The following TADA2A variants were observed in gnomAD, a reference collection of about 807,000 sequenced individuals.
TADA2A encodes transcriptional adapter 2-alpha.
Under a neutral mutation model 67.4 loss-of-function variants are expected in TADA2A, and 38 were observed. The observed-to-expected ratio is 0.56, with a 90% CI of 0.44 to 0.74. The LOEUF is 0.74. Among genes scored for constraint, TADA2A ranks in the 30% least tolerant of loss-of-function variants. TADA2A has a pLI of 0.00. For synonymous variants in TADA2A, 192 were observed against 181.6 expected (o/e 1.06, Z -0.46); for missense variants, 454 against 547.0 (o/e 0.83, Z 1.70).
rs146654241 is a variant in TADA2A at position 37,467,684 on chromosome 17, A to G, written c.895+159A>G. ...GTAAAGTTTTGGCTATTTAATCCCT[A>G]TAAATACCTTTGTATAGATTATCTT... On this transcript the variant is annotated intron_variant, in intron 12 of 15. Transcript: ENST00000615182. 1.5e-3 allele frequency among the ~76,000 whole-genome samples: 230 copies of G among 152,304 alleles called. 1 individual carries two copies. Among genetic ancestry groups the G allele is most frequent in the Middle Eastern group, 3.4e-3 (1 of 294 alleles).
intron 4 of TADA2A, among the ~76,000 whole-genome samples, chr17:37,427,926 G>A (rs957618295): frequency 1.3e-5 from 2 of 151,866 alleles, no homozygotes; most frequent in African/African-American, 4.8e-5. Context: ...AGGTTGCAGT[G>A]AGCCAAGATC....
chr17:37,442,940 A>T (rs1320161434), intron 7 of TADA2A, among the ~76,000 whole-genome samples: 1 of 152,164 alleles, frequency 6.6e-6, no homozygotes, highest in Non-Finnish European at 1.5e-5. Flanking sequence ...AGAATGGAGG[A>T]TCGCTTGAGT....
intron 4 of TADA2A, among the ~76,000 whole-genome samples, chr17:37,431,579 T>C (rs1027023929): frequency 4.7e-5 from 2 of 42,660 alleles, no homozygotes; most frequent in African/African-American, 2.3e-4. Flanking sequence ...TTATCTTTTC[T>C]TTTTTTTTTT....
chr17:37,445,322 G>C (rs1380916979), intron 8 of TADA2A, among the ~76,000 whole-genome samples: 1 of 152,212 alleles, frequency 6.6e-6, no homozygotes, highest in Non-Finnish European at 1.5e-5. Context: ...CTGGAGTGCA[G>C]TGGCGCGATC....
intron 12 of TADA2A, among the ~76,000 whole-genome samples, chr17:37,468,062 G>C (rs1568183213): frequency 6.6e-6 from 1 of 151,358 alleles, no homozygotes; most frequent in Non-Finnish European, 1.5e-5. Context: ...AGCCTGGGTG[G>C]CAGAGGGAGA....
intron 8 of TADA2A, among the ~76,000 whole-genome samples, chr17:37,457,139 C>G (rs377511711): frequency 1.5e-3 from 224 of 148,484 alleles, no homozygotes; most frequent in African/African-American, 5.3e-3. Flanking sequence ...TTGACATTGT[C>G]TGTTACTCCT....
intron 8 of TADA2A, among the ~76,000 whole-genome samples, chr17:37,451,811 C>T (rs531709560): frequency 6.6e-6 from 1 of 151,864 alleles, no homozygotes; most frequent in South Asian, 2.1e-4. Context: ...CGGTGAAACC[C>T]CGTCTCTACT....
chr17:37,461,852 TG>T, intron 9 of TADA2A: 1 of 450,812 alleles, frequency 2.2e-6, no homozygotes, highest in South Asian at 3.4e-5. Flanking sequence ...CAAATAGTCA[TG>T]GAGAGTCTAC....
In TADA2A at chr17:37,440,443, A is replaced by T. The variant is rs1377693047; in HGVS notation, c.285-62A>T. ...ACTTAAAATATGAAAAGAGCAAATG[A>T]TGCTTTTAGTATTATGTGTAAATAC... On this transcript the variant is annotated intron_variant, in intron 5 of 15. Transcript: ENST00000615182. 1.9e-6 allele frequency: 3 copies of T among 1,562,052 alleles called. No homozygotes were observed. In the Admixed American group the frequency reaches 5.5e-5, roughly 29 times the overall value.
intron 8 of TADA2A, among the ~76,000 whole-genome samples, chr17:37,446,159 A>G (rs1340054500): frequency 1.4e-4 from 21 of 149,316 alleles, no homozygotes; most frequent in African/African-American, 5.2e-4. Flanking sequence ...CACAACTTTA[A>G]GGAAAGTCAA....
intron 8 of TADA2A, chr17:37,450,685 G>A (rs576540583): frequency 2.2e-4 from 33 of 152,340 alleles, no homozygotes; most frequent in African/African-American, 6.7e-4. Context: ...ATGATCTCTG[G>A]TTCTCTGTTT....
chr17:37,408,109 A>G (rs1398945768), intron 1 of TADA2A: 1 of 150,806 alleles, frequency 6.6e-6, no homozygotes, highest in Non-Finnish European at 1.5e-5. Context: ...TTGATCTCGA[A>G]CTCCTGACCT....
At chr17:37,422,153 C>G (rs2052256705) in intron 2 of TADA2A, among the ~76,000 whole-genome samples, 1 of 145,086 alleles carries the variant, frequency 6.9e-6, no homozygotes, top group South Asian at 2.3e-4. Context: ...TCAAGTGATT[C>G]CTCTGCCTCA....
At chr17:37,453,278 G>A (rs12938215) in intron 8 of TADA2A, among the ~76,000 whole-genome samples, 33,013 of 152,070 alleles carry the variant, frequency 0.22, 3,810 homozygotes, top group Middle Eastern at 0.35. Flanking sequence ...CTATTATCAG[G>A]GTTATTAACA....
chr17:37,417,094 A>C (rs953998666), intron 2 of TADA2A, among the ~76,000 whole-genome samples: 4 of 151,966 alleles, frequency 2.6e-5, no homozygotes, highest in African/African-American at 9.7e-5. Context: ...ATGTACATAC[A>C]AAAGACCGGG....
At chr17:37,466,181 G>A (rs2053661513) in intron 11 of TADA2A, among the ~76,000 whole-genome samples, 1 of 152,150 alleles carries the variant, frequency 6.6e-6, no homozygotes, top group Admixed American at 6.6e-5. Flanking sequence ...AGCACTTTGG[G>A]AGGCCAAGGC....
intron 1 of TADA2A, among the ~76,000 whole-genome samples, chr17:37,409,002 A>T (rs11871275): frequency 0.24 from 36,981 of 152,182 alleles, 4,597 homozygotes; most frequent in Middle Eastern, 0.36. Context: ...TTAGTCCACT[A>T]CTATGTGTTT....
chr17:37,457,802 T>G (rs1226318986), intron 8 of TADA2A, among the ~76,000 whole-genome samples: 1 of 152,108 alleles, frequency 6.6e-6, no homozygotes, highest in African/African-American at 2.4e-5. Context: ...AGCCCAATAT[T>G]CATTCTTATG....
rs1015314975 is a variant in TADA2A, at chr17:37,470,201, A to G, written c.896-199A>G. Among the ~76,000 whole-genome samples the G allele has an allele frequency of 1.4e-4, 21 of 152,318 alleles. 1 individual carries two copies. Among genetic ancestry groups the G allele is most frequent in the Middle Eastern group, 3.4e-3 (1 of 294 alleles). ...GATAGAAAAGGAATACAAATGTTTA[A>G]TATTTAATACTTAGTATTAAGAAAA... On this transcript the variant is annotated intron_variant, in intron 12 of 15. Coordinates refer to ENST00000615182, the MANE Select transcript of TADA2A (RefSeq NM_001166105.3).
Sources: allele counts gnomAD v4.1 joint callset (sites outside exome capture counted in the v4.1 genomes callset), GRCh38; gene constraint gnomAD v4.1.1; transcripts MANE v1.5; gene names NCBI Gene and HGNC (gene_info 2026-07-23, HGNC 2026-07-21).